Variants in SORCS2 observed in about 807,000 individuals in gnomAD.
The protein encoded by SORCS2 is VPS10 domain-containing receptor SorCS2.
A neutral mutation model predicts 141.6 loss-of-function variants in SORCS2; 100 were observed. That is an observed-to-expected ratio of 0.71 (90% CI 0.60 to 0.83). The LOEUF (loss-of-function observed/expected upper bound fraction) is 0.83, where lower values mean the gene tolerates loss of function less well. Ranked by LOEUF, SORCS2 falls within the 40% of genes least tolerant of loss-of-function variation. The pLI is 0.00. For synonymous variants in SORCS2, 789 were observed against 676.9 expected (o/e 1.17, Z -2.57); for missense variants, 1,646 against 1,560.2 (o/e 1.05, Z -0.93).
intron 2 of SORCS2, among the ~76,000 whole-genome samples, chr4:7,492,430 T>G (rs552775021): frequency 1.3e-5 from 2 of 152,378 alleles, no homozygotes; most frequent in African/African-American, 4.8e-5. Context: ...AAAGGCTGAC[T>G]AGGATTCCGC....
intron 1 of SORCS2, among the ~76,000 whole-genome samples, chr4:7,277,899 A>G (rs74483895): frequency 0.097 from 14,713 of 152,268 alleles, 714 homozygotes; most frequent in East Asian, 0.14. Context: ...TGCAGAGTTC[A>G]GGGACAGCTC....
chr4:7,696,014 G>A (rs1415645092), intron 11 of SORCS2, among the ~76,000 whole-genome samples: 1 of 152,040 alleles, frequency 6.6e-6, no homozygotes, highest in Non-Finnish European at 1.5e-5. Flanking sequence ...GTAGATGGGT[G>A]GATTTACGAG....
At chr4:7,229,659 G>A (rs192498066) in intron 1 of SORCS2, among the ~76,000 whole-genome samples, 80 of 152,400 alleles carry the variant, frequency 5.2e-4, no homozygotes, top group African/African-American at 1.7e-3. Context: ...GGGCCTAAGA[G>A]CTTCTGTCAC....
Position 7,682,771 on chromosome 4 carries a change from C to G in SORCS2, c.1370C>G (p.Ala457Gly). ...AGAGGGGTGAAAGGAGTCTTCCTGG[C>G]AAACCAAAAAATTGATGGGAAAGTG... is the stretch of plus-strand genomic sequence containing the variant. Reference protein sequence around the residue: ...EVRGVKGVFLANQKIDGKVMT... With the variant: ...EVRGVKGVFLGNQKIDGKVMT... Residue 457 changes from alanine (A) to glycine (G), a missense_variant, in exon 10 of 27, where the codon GCA becomes GGA. Ala to Gly is a moderately conservative substitution (Grantham distance 60). Coordinates refer to ENST00000507866, the MANE Select transcript of SORCS2 (RefSeq NM_020777.3). 1 of 1,611,658 alleles carries G rather than the reference C, an allele frequency of 6.2e-7. No homozygotes were observed. Among genetic ancestry groups the G allele is most frequent in the African/African-American group, 1.3e-5 (1 of 74,970 alleles).
chr4:7,328,003 G>A (rs1314906965), intron 1 of SORCS2, among the ~76,000 whole-genome samples: 1 of 148,882 alleles, frequency 6.7e-6, no homozygotes, highest in African/African-American at 2.5e-5. Context: ...ACTGTGTGCT[G>A]AGCCTCGTGC....
intron 3 of SORCS2, among the ~76,000 whole-genome samples, chr4:7,538,969 C>T (rs1198710933): frequency 2.0e-5 from 3 of 152,218 alleles, no homozygotes; most frequent in African/African-American, 7.2e-5. Flanking sequence ...AAGTTCAGCC[C>T]TGTTCTCTAA....
chr4:7,549,085 G>A (rs1009321420), intron 3 of SORCS2, among the ~76,000 whole-genome samples: 4 of 152,150 alleles, frequency 2.6e-5, no homozygotes, highest in African/African-American at 9.7e-5. Context: ...AGCCTGGGGA[G>A]GGCAGGAGCG....
At chr4:7,585,697 C>G (rs4689788) in intron 3 of SORCS2, among the ~76,000 whole-genome samples, 147,594 of 152,324 alleles carry the variant, frequency 0.97, 71,619 homozygotes, top group Non-Finnish European at 1. Flanking sequence ...CTCACAGCCT[C>G]TTCCATCCTT....
intron 1 of SORCS2, among the ~76,000 whole-genome samples, chr4:7,315,645 C>T (rs1718505628): frequency 6.6e-6 from 1 of 152,190 alleles, no homozygotes; most frequent in African/African-American, 2.4e-5. Flanking sequence ...CCTCCCTGCC[C>T]CTCCTATGGT....
intron 1 of SORCS2, among the ~76,000 whole-genome samples, chr4:7,379,216 G>A (rs925646111): frequency 2.6e-5 from 4 of 152,112 alleles, no homozygotes; most frequent in South Asian, 2.1e-4. Flanking sequence ...TTCAGAAATC[G>A]CACCTGTGCT....
At chr4:7,376,599 A>G (rs75505954) in intron 1 of SORCS2, among the ~76,000 whole-genome samples, 8,873 of 152,182 alleles carry the variant, frequency 0.058, 865 homozygotes, top group African/African-American at 0.2. Context: ...AAAACAAACA[A>G]AACCAATTCA....
rs955814382 is a variant in SORCS2 at position 7,740,325 on chromosome 4, G to A, written c.*61G>A. Reference sequence around the variant, plus strand: ...GCACAGAACCACCAGCAAAGCCGGCGGCTGGACTGGCGCCCCTCAGAGACC... The same window carrying A: ...GCACAGAACCACCAGCAAAGCCGGCAGCTGGACTGGCGCCCCTCAGAGACC... On this transcript the variant is annotated 3_prime_UTR_variant, in exon 27 of 27. Transcript: ENST00000507866. 11 of 1,491,784 alleles carry A rather than the reference G, an allele frequency of 7.4e-6. No homozygotes were observed. The highest frequency in any genetic ancestry group is 3.5e-5 in the South Asian group (3 of 85,662). The allele number at this position is 1,491,784 out of a possible 1,614,324, so 92.4% of individuals were successfully genotyped here. A position where few individuals can be genotyped will look rare whatever the true frequency, so the allele number is the denominator to read the frequency against.
At chr4:7,248,534 C>T (rs905344958) in intron 1 of SORCS2, among the ~76,000 whole-genome samples, 4 of 152,214 alleles carry the variant, frequency 2.6e-5, no homozygotes, top group African/African-American at 9.7e-5. Flanking sequence ...CTGCCAAAAG[C>T]CTTCTGGAAC....
At chr4:7,737,471 G>A (rs975426303) in intron 26 of SORCS2, among the ~76,000 whole-genome samples, 1 of 152,150 alleles carries the variant, frequency 6.6e-6, no homozygotes, top group Non-Finnish European at 1.5e-5. Context: ...GGAAAGGACG[G>A]GAAACAGGGC....
chr4:7,676,207 G>C lies in SORCS2; in HGVS notation c.1319G>C (p.Ser440Thr). ...DVRSSRQAEE[S>T]VLIDILEVRG... The stretch of plus-strand genomic sequence containing the variant: ...CGCAGCTCACGGCAGGCGGAGGAGA[G>C]CGTGCTCATCGACATCCTGGAGGTG... The change falls in exon 9 of 27, where the codon AGC becomes ACC. Residue 440 changes from serine (S) to threonine (T), a missense_variant. By Grantham distance (58) the Ser-to-Thr change is moderately conservative (BLOSUM62 1). Coordinates refer to ENST00000507866, the MANE Select transcript of SORCS2 (RefSeq NM_020777.3). 6.4e-7 allele frequency: 1 copy of C among 1,551,720 alleles called. No individual in the cohort carries two copies. The highest frequency in any genetic ancestry group is 8.7e-7 in the Non-Finnish European group (1 of 1,147,302).
rs144096524 is a variant in SORCS2, at chr4:7,655,680, A to C, written c.887+1473A>C. 3.7e-3 allele frequency among the ~76,000 whole-genome samples: 560 copies of C among 152,346 alleles called. 8 individuals carry two copies. The highest frequency in any genetic ancestry group is 0.012 in the African/African-American group (494 of 41,594). ...GTTCCTCCCTCGGAAACCAGAGCAC[A>C]GCCATCCATCACTGGCCTTGTCATT... On this transcript the variant is annotated intron_variant, in intron 5 of 26. Coordinates refer to ENST00000507866, the MANE Select transcript of SORCS2 (RefSeq NM_020777.3).
chr4:7,384,615 C>T (rs1384241721), intron 1 of SORCS2, among the ~76,000 whole-genome samples: 1 of 152,236 alleles, frequency 6.6e-6, no homozygotes, highest in Admixed American at 6.5e-5. Context: ...GAGGACATCT[C>T]TCAACCCAGC....
At chr4:7,318,840 G>A (rs529893978) in intron 1 of SORCS2, among the ~76,000 whole-genome samples, 71 of 152,224 alleles carry the variant, frequency 4.7e-4, no homozygotes, top group African/African-American at 1.6e-3. Context: ...TCAAGATATA[G>A]AATAATTTTA....
At chr4:7,511,486 G>C (rs1379955920) in intron 2 of SORCS2, among the ~76,000 whole-genome samples, 1 of 151,494 alleles carries the variant, frequency 6.6e-6, no homozygotes, top group Non-Finnish European at 1.5e-5. Flanking sequence ...GGGGAGGGGG[G>C]GTGGAGAGAG....
Sources: allele counts gnomAD v4.1 joint callset (sites outside exome capture counted in the v4.1 genomes callset), GRCh38; gene constraint gnomAD v4.1.1; transcripts MANE v1.5; gene names NCBI Gene and HGNC (gene_info 2026-07-23, HGNC 2026-07-21).